The following NR3C2 variants were observed in gnomAD, a reference collection of about 807,000 sequenced individuals.
NR3C2 encodes mineralocorticoid receptor.
Under a neutral mutation model 86.4 loss-of-function variants are expected in NR3C2, and 15 were observed. The ratio of observed to expected loss-of-function variants is 0.17; its 90% confidence interval spans 0.12 to 0.27. NR3C2 has a LOEUF of 0.27. Among genes scored for constraint, NR3C2 ranks in the 10% least tolerant of loss-of-function variants. The pLI is 1.00. For synonymous variants in NR3C2, 458 were observed against 450.5 expected, an observed-to-expected ratio of 1.02 and a Z score of -0.21; for missense variants, 960 against 1,195.6, an observed-to-expected ratio of 0.80 and a Z score of 2.91.
chr4:148,321,775 T>C (rs960814669), intron 2 of NR3C2, among the ~76,000 whole-genome samples: 1 of 152,232 alleles, frequency 6.6e-6, no homozygotes, highest in African/African-American at 2.4e-5. Flanking sequence ...TGTGTGTCTC[T>C]GCACATGAGA....
At chr4:148,258,269 A>C (rs1739924940) in intron 3 of NR3C2, among the ~76,000 whole-genome samples, 1 of 152,220 alleles carries the variant, frequency 6.6e-6, no homozygotes, top group South Asian at 2.1e-4. Flanking sequence ...GAAAGCACAA[A>C]GTGGCCTTAG....
chr4:148,428,404 C>A (rs1388197838), intron 2 of NR3C2, among the ~76,000 whole-genome samples: 1 of 152,154 alleles, frequency 6.6e-6, no homozygotes, highest in East Asian at 1.9e-4. Flanking sequence ...GTCATGAAAT[C>A]TAGAAAAGAC....
intron 4 of NR3C2, among the ~76,000 whole-genome samples, chr4:148,155,673 A>G (rs1001378092): frequency 5.9e-5 from 9 of 151,286 alleles, no homozygotes; most frequent in African/African-American, 2.2e-4. Context: ...TATCGTGAAA[A>G]TGGCCATATT....
intron 4 of NR3C2, among the ~76,000 whole-genome samples, chr4:148,185,346 C>T (rs564143142): frequency 2.6e-4 from 39 of 152,176 alleles, no homozygotes; most frequent in Non-Finnish European, 4.9e-4. Context: ...ACTTGGAGCA[C>T]GTCCTCACAT....
In NR3C2 at chr4:148,245,827, C is replaced by T. The variant is rs150158975; in HGVS notation, c.1897+14151G>A. Among the ~76,000 whole-genome samples the T allele has an allele frequency of 6.6e-5, 10 of 152,092 alleles. No homozygotes were observed. The East Asian group carries it at 1.5e-3, about 23-fold the overall frequency. ...TTGTATGTAGAAAGAATTTCATTTT[C>T]GATGGAAATTTTGTATGAAGAAAAT... is the stretch of plus-strand genomic sequence containing the variant. On this transcript the variant is annotated intron_variant, in intron 3 of 8. Transcript: ENST00000358102.
chr4:148,442,666 C>A (rs986747647), upstream of NR3C2: 5 of 985,360 alleles, frequency 5.1e-6, no homozygotes, highest in Admixed American at 6.1e-5. Flanking sequence ...AGTCACCAGG[C>A]GGGCGACATG....
At chr4:148,433,480 A>G (rs946068353) in intron 2 of NR3C2, among the ~76,000 whole-genome samples, 1 of 152,224 alleles carries the variant, frequency 6.6e-6, no homozygotes, top group Non-Finnish European at 1.5e-5. Context: ...AAAACTAAAA[A>G]TATGAAAACT....
At chr4:148,089,427 G>A (rs1254230538) in intron 8 of NR3C2, among the ~76,000 whole-genome samples, 1 of 152,228 alleles carries the variant, frequency 6.6e-6, no homozygotes, top group Admixed American at 6.5e-5. Context: ...GAATGAATGA[G>A]TGACTCAGGT....
intron 6 of NR3C2, among the ~76,000 whole-genome samples, chr4:148,125,337 C>T (rs549180561): frequency 5.9e-5 from 9 of 152,304 alleles, no homozygotes; most frequent in South Asian, 2.1e-4. Context: ...TAGTAGACAG[C>T]GAAATCTTTG....
At chr4:148,134,900 G>A (rs529082859) in intron 6 of NR3C2, among the ~76,000 whole-genome samples, 4 of 150,906 alleles carry the variant, frequency 2.7e-5, no homozygotes, top group Non-Finnish European at 5.9e-5. Flanking sequence ...CAGGTGATCC[G>A]CCCCACCTCG....
intron 2 of NR3C2, among the ~76,000 whole-genome samples, chr4:148,395,425 G>C (rs1406183743): frequency 6.6e-6 from 1 of 152,094 alleles, no homozygotes; most frequent in Non-Finnish European, 1.5e-5. Context: ...AATAAGGTGG[G>C]GATCACGGCA....
chr4:148,081,491 G>A lies in NR3C2; in HGVS notation c.2808C>T (p.Ser936=), dbSNP rs112365566. 31 of 1,613,938 alleles carry A rather than the reference G, an allele frequency of 1.9e-5. No individual in the cohort carries two copies. The highest frequency in any genetic ancestry group is 1.2e-4 in the African/African-American group (9 of 75,004). Residue 936 remains serine, a synonymous_variant, in exon 9 of 9, where the codon AGC becomes AGT. Transcript: ENST00000358102. ...KLLDSMHDLV[S]DLLEFCFYTF... is the part of the protein sequence containing the mutation. ...TGTAGAAGCAGAATTCCAGCAGGTC[G>A]CTCACCAGCTGTAACACAGACACAG...
chr4:148,279,035 C>T lies in NR3C2; in HGVS notation c.1758-18918G>A, dbSNP rs561935347. 2.8e-4 allele frequency among the ~76,000 whole-genome samples: 42 copies of T among 152,072 alleles called. No homozygotes were observed. The South Asian group carries it at 5.6e-3, about 20-fold the overall frequency. ...AAAATTAGCTGGGCGTGGTGGCAGG[C>T]GCCTGTAATACCAGCTACTCGGGAG... On this transcript the variant is annotated intron_variant, in intron 2 of 8. Coordinates refer to ENST00000358102, the MANE Select transcript of NR3C2 (RefSeq NM_000901.5).
chr4:148,209,650 C>T (rs3843413), intron 3 of NR3C2, among the ~76,000 whole-genome samples: 112,604 of 152,106 alleles, frequency 0.74, 42,823 homozygotes, highest in African/African-American at 0.92. Flanking sequence ...TTCAGTCACT[C>T]GTAAAAGAGA....
intron 6 of NR3C2, among the ~76,000 whole-genome samples, chr4:148,123,236 T>C (rs189158597): frequency 4.1e-4 from 63 of 152,216 alleles, no homozygotes; most frequent in East Asian, 2.1e-3. Context: ...CCTGGTAAAT[T>C]TGTGGTCAAA....
upstream of NR3C2, chr4:148,444,597 C>A: frequency 1.0e-6 from 1 of 988,504 alleles, no homozygotes; most frequent in South Asian, 4.6e-5. Context: ...CCGCTGCTGC[C>A]GCCGCCACCA....
At chr4:148,402,096 G>A (rs1748198016) in intron 2 of NR3C2, among the ~76,000 whole-genome samples, 1 of 152,156 alleles carries the variant, frequency 6.6e-6, no homozygotes, top group South Asian at 2.1e-4. Flanking sequence ...TCCACAATGG[G>A]GCTCTGGTGT....
intron 2 of NR3C2, among the ~76,000 whole-genome samples, chr4:148,269,915 T>G (rs926121726): frequency 1.3e-5 from 2 of 152,222 alleles, no homozygotes; most frequent in African/African-American, 4.8e-5. Flanking sequence ...TATGTACACA[T>G]GTGTATGTGA....
At chr4:148,254,340 T>C (rs944734726) in intron 3 of NR3C2, among the ~76,000 whole-genome samples, 2 of 152,182 alleles carry the variant, frequency 1.3e-5, no homozygotes, top group East Asian at 1.9e-4. Flanking sequence ...ACTTCACATA[T>C]GAAAGTTTAT....
Sources: gnomAD v4.1 joint callset for allele counts (sites outside exome capture counted in the v4.1 genomes callset) on GRCh38, gnomAD v4.1.1 for gene constraint, MANE v1.5 for transcripts, NCBI Gene and HGNC (gene_info 2026-07-23, HGNC 2026-07-21) for gene names.